The following ZBBX variants were observed in gnomAD, a reference collection of about 807,000 sequenced individuals.
ZBBX encodes the protein zinc finger B-box domain-containing protein 1.
A neutral mutation model predicts 108.5 loss-of-function variants in ZBBX; 101 were observed. The ratio of observed to expected loss-of-function variants is 0.93; its 90% CI spans 0.79 to 1.10. ZBBX has a LOEUF of 1.10. ZBBX is among the 50% of genes least tolerant of loss of function. The probability of loss-of-function intolerance (pLI) is 0.00; values close to 1 mark genes in which losing one functional copy is unlikely to be tolerated. For synonymous variants in ZBBX, 356 were observed against 323.4 expected, an observed-to-expected ratio of 1.10 and a Z score of -1.08; for missense variants, 1,009 against 941.4, an observed-to-expected ratio of 1.07 and a Z score of -0.94.
At chr3:167,231,084 T>C in the ZBBX span, among the ~76,000 whole-genome samples, 1 of 151,806 alleles carries the variant, frequency 6.6e-6, no homozygotes, top group Non-Finnish European at 1.5e-5. Flanking sequence ...AATTATAAAA[T>C]GGAGAAGACC....
intron 20 of ZBBX, among the ~76,000 whole-genome samples, chr3:167,246,670 A>C (rs2108332721): frequency 6.6e-6 from 1 of 152,366 alleles, no homozygotes; most frequent in Middle Eastern, 3.4e-3. Context: ...CTATTGAAGA[A>C]GTAAATGCTT....
intron 8 of ZBBX, among the ~76,000 whole-genome samples, chr3:167,354,999 A>T (rs2108514660): frequency 6.6e-6 from 1 of 152,120 alleles, no homozygotes; most frequent in Admixed American, 6.6e-5. Context: ...TGGCAGAAAC[A>T]TGCTAAAAAT....
intron 12 of ZBBX, 143 bp from the exon 13 acceptor site, chr3:167,317,740 G>A (rs1229685348): frequency 5.9e-6 from 3 of 505,156 alleles, no homozygotes; most frequent in South Asian, 3.5e-5. Context: ...TCAAAGATAA[G>A]TACAATTGTA....
chr3:167,341,821 C>A (rs1006482688), intron 9 of ZBBX, among the ~76,000 whole-genome samples: 6 of 151,866 alleles, frequency 4.0e-5, no homozygotes, highest in African/African-American at 1.4e-4. Context: ...AAATGGATAA[C>A]ATTTTTAGGC....
At chr3:167,354,067 C>A (rs1743121749) in intron 8 of ZBBX, among the ~76,000 whole-genome samples, 1 of 151,952 alleles carries the variant, frequency 6.6e-6, no homozygotes, top group South Asian at 2.1e-4. Context: ...GCCTAGCTAA[C>A]CTTAAATGTG....
chr3:167,249,338 C>T (rs1722165348), intron 20 of ZBBX, among the ~76,000 whole-genome samples: 1 of 152,192 alleles, frequency 6.6e-6, no homozygotes, highest in African/African-American at 2.4e-5. Flanking sequence ...GGATTGCCCT[C>T]CTGTTTGGCA....
chr3:167,392,665 T>C (rs1027203606), intron 1 of ZBBX: 1 of 151,832 alleles, frequency 6.6e-6, no homozygotes, highest in Non-Finnish European at 1.5e-5. Context: ...GCTAGAGATA[T>C]GGTCTGTAGA....
intron 18 of ZBBX, among the ~76,000 whole-genome samples, chr3:167,297,694 C>A (rs1404484253): frequency 6.6e-6 from 1 of 151,844 alleles, no homozygotes. Flanking sequence ...AATGAAAAAA[C>A]AAATAACCCA....
chr3:167,369,617 G>A (rs947091405), intron 4 of ZBBX, among the ~76,000 whole-genome samples: 3 of 152,220 alleles, frequency 2.0e-5, no homozygotes, highest in Non-Finnish European at 4.4e-5. Context: ...TAGGTGATAG[G>A]ATGTGAAATA....
intron 7 of ZBBX, 72 bp downstream of exon 7, chr3:167,360,603 C>T (rs1744349869): frequency 1.1e-6 from 1 of 924,198 alleles, no homozygotes; most frequent in African/African-American, 1.7e-5. Flanking sequence ...AAAACTTTAA[C>T]TTTATTTGTA....
Position 167,323,250 on chromosome 3 carries a change from GAA to G in ZBBX, c.863-1015_863-1014del, listed in dbSNP as rs11328015. ...GGAGAGCTAAAAGAGGGGGGGGGGG[GAA>G]AGAACTCTTTTGTTTTTGCTGTCTA... On this transcript the variant is annotated intron_variant, in intron 11 of 21. Transcript: ENST00000675490. 4.0e-4 allele frequency among the ~76,000 whole-genome samples: 37 copies of G among 92,960 alleles called. 1 individual carries two copies. Among genetic ancestry groups the G allele is most frequent in the East Asian group, 2.7e-3 (7 of 2,612 alleles). 61.0% of individuals were successfully genotyped at this position (92,960 alleles called of 152,430 possible).
chr3:167,348,366 AAG>A (rs1167147715), intron 9 of ZBBX, among the ~76,000 whole-genome samples: 1 of 147,084 alleles, frequency 6.8e-6, no homozygotes, highest in Non-Finnish European at 1.5e-5. Flanking sequence ...GAAAGAAAGA[AAG>A]AAAAAAAAGA....
chr3:167,257,006 G>A (rs916021918), intron 20 of ZBBX, among the ~76,000 whole-genome samples: 1 of 152,098 alleles, frequency 6.6e-6, no homozygotes, highest in Non-Finnish European at 1.5e-5. Flanking sequence ...GGATTAATGG[G>A]TCGTATTGTA....
At chr3:167,402,808 A>G (rs1748467536) in intron 1 of ZBBX, among the ~76,000 whole-genome samples, 1 of 152,008 alleles carries the variant, frequency 6.6e-6, no homozygotes, top group East Asian at 1.9e-4. Flanking sequence ...TAGATGAACT[A>G]TACAGAAAAA....
chr3:167,361,803 G>C (rs2108547324), intron 6 of ZBBX, among the ~76,000 whole-genome samples: 1 of 152,230 alleles, frequency 6.6e-6, no homozygotes, highest in East Asian at 1.9e-4. Context: ...TATCCAGTAT[G>C]ACTACCTTAA....
chr3:167,369,633 G>A (rs1289137040), intron 4 of ZBBX, among the ~76,000 whole-genome samples: 2 of 152,172 alleles, frequency 1.3e-5, no homozygotes, highest in Non-Finnish European at 2.9e-5. Context: ...AAATACAATG[G>A]AGCTTCCAGT....
At chr3:167,325,348 A>T (rs1737173217) in intron 11 of ZBBX, among the ~76,000 whole-genome samples, 2 of 152,148 alleles carry the variant, frequency 1.3e-5, no homozygotes, top group African/African-American at 4.8e-5. Context: ...GACTTCTTAC[A>T]TGGTGGTGGG....
chr3:167,186,272 T>G, the ZBBX span, among the ~76,000 whole-genome samples: 4 of 152,208 alleles, frequency 2.6e-5, no homozygotes, highest in African/African-American at 7.2e-5. Flanking sequence ...TGAAGCATGG[T>G]CTATCCATGC....
At chr3:167,332,805 G>A (rs746561590) in intron 10 of ZBBX, among the ~76,000 whole-genome samples, 2 of 152,126 alleles carry the variant, frequency 1.3e-5, no homozygotes, top group African/African-American at 4.8e-5. Flanking sequence ...CAGAAGGTCT[G>A]AGCTGAAATC....
Sources: gnomAD v4.1 joint callset for allele counts (sites outside exome capture counted in the v4.1 genomes callset) on GRCh38, gnomAD v4.1.1 for gene constraint, MANE v1.5 for transcripts, NCBI Gene and HGNC (gene_info 2026-07-23, HGNC 2026-07-21) for gene names.